The following KCNQ5 variants were observed in gnomAD, a reference collection of about 807,000 sequenced individuals.
KCNQ5 encodes potassium voltage-gated channel subfamily Q member 5, also known as potassium voltage-gated channel subfamily KQT member 5.
KCNQ5 carries 30 observed loss-of-function variants against 98.2 expected under a neutral mutation model. That is an observed-to-expected ratio of 0.31 (90% confidence interval 0.23 to 0.41). The LOEUF (loss-of-function observed/expected upper bound fraction) is 0.41. Among genes scored for constraint, KCNQ5 ranks in the 10% least tolerant of loss-of-function variants. The probability of loss-of-function intolerance (pLI) is 1.00; values close to 1 mark genes in which losing one functional copy is unlikely to be tolerated. For missense variants in KCNQ5, 835 were observed against 1,182.5 expected, an observed-to-expected ratio of 0.71 and a Z score of 4.31; for synonymous variants, 458 against 449.4, an observed-to-expected ratio of 1.02 and a Z score of -0.24.
At chr6:72,714,781 T>C (rs532356139) in intron 1 of KCNQ5, among the ~76,000 whole-genome samples, 7 of 152,126 alleles carry the variant, frequency 4.6e-5, no homozygotes, top group Admixed American at 3.3e-4. Flanking sequence ...AGTTCAAAAA[T>C]AGCAAAAACT....
At chr6:72,906,740 T>C (rs1779714718) in intron 1 of KCNQ5, among the ~76,000 whole-genome samples, 1 of 152,076 alleles carries the variant, frequency 6.6e-6, no homozygotes, top group Non-Finnish European at 1.5e-5. Flanking sequence ...GCACACACGG[T>C]ATTTGGGGTG....
rs1359088686 is a variant in KCNQ5 at position 73,113,887 on chromosome 6, G to A, written c.1125+2484G>A. On this transcript the variant is annotated intron_variant, in intron 7 of 13. Transcript: ENST00000370398. ...AGTAATTGAACTTGTACAAATGCAG[G>A]TAACAATGAAGTAAAATCGTGAGTT... Among the ~76,000 whole-genome samples, 3 of 152,266 alleles carry A rather than the reference G, an allele frequency of 2.0e-5. No individual in the cohort carries two copies. In the East Asian group the frequency reaches 5.8e-4, roughly 29 times the overall value.
At chr6:72,862,484 T>C (rs1280458418) in intron 1 of KCNQ5, among the ~76,000 whole-genome samples, 1 of 152,142 alleles carries the variant, frequency 6.6e-6, no homozygotes, top group African/African-American at 2.4e-5. Flanking sequence ...AATCCCTCAG[T>C]AAGTTGCTTT....
At chr6:72,939,606 A>G (rs551565328) in intron 1 of KCNQ5, among the ~76,000 whole-genome samples, 39 of 152,234 alleles carry the variant, frequency 2.6e-4, no homozygotes, top group African/African-American at 9.4e-4. Flanking sequence ...AGCCTATTCC[A>G]TACACCTCAG....
rs1178177668 is a variant in KCNQ5, at chr6:73,196,354, G to A, written c.*940G>A. 1 of 152,108 alleles carries A rather than the reference G, an allele frequency of 6.6e-6. No individual in the cohort carries two copies. Among genetic ancestry groups the A allele is most frequent in the African/African-American group, 2.4e-5 (1 of 41,398 alleles). 9.4% of individuals were successfully genotyped at this position (152,108 alleles called of 1,614,324 possible). ...CTATGGGGGATGGGACATTTGAGTG[G>A]GACTGAGATAGGAAAGGCTTGAAAA... On this transcript the variant is annotated 3_prime_UTR_variant, in exon 14 of 14. Coordinates refer to ENST00000370398, the MANE Select transcript of KCNQ5 (RefSeq NM_019842.4).
chr6:72,985,576 C>G (rs1051883288), intron 1 of KCNQ5, among the ~76,000 whole-genome samples: 4 of 152,110 alleles, frequency 2.6e-5, no homozygotes, highest in Admixed American at 2.6e-4. Flanking sequence ...CCTGATTTTC[C>G]ACCACAGAAT....
chr6:72,959,962 T>G (rs1415670403), intron 1 of KCNQ5, among the ~76,000 whole-genome samples: 2 of 152,214 alleles, frequency 1.3e-5, no homozygotes, highest in Non-Finnish European at 2.9e-5. Flanking sequence ...GATTTTATGC[T>G]GCTAAGGATT....
At chr6:72,924,974 G>C (rs973799358) in intron 1 of KCNQ5, among the ~76,000 whole-genome samples, 2 of 151,996 alleles carry the variant, frequency 1.3e-5, no homozygotes, top group Non-Finnish European at 2.9e-5. Context: ...TCATTTTAGG[G>C]CATGGTTTTC....
At chr6:72,740,466 G>A (rs1050659721) in intron 1 of KCNQ5, among the ~76,000 whole-genome samples, 1 of 152,240 alleles carries the variant, frequency 6.6e-6, no homozygotes, top group African/African-American at 2.4e-5. Context: ...GTTACATTTG[G>A]AGACTGAAGC....
intron 1 of KCNQ5, among the ~76,000 whole-genome samples, chr6:72,952,998 A>G (rs1315795009): frequency 1.3e-5 from 2 of 152,192 alleles, no homozygotes; most frequent in Non-Finnish European, 2.9e-5. Context: ...GTGCTCTTGA[A>G]TGCAATAAAT....
intron 1 of KCNQ5, among the ~76,000 whole-genome samples, chr6:72,833,296 G>T (rs1042604314): frequency 6.6e-6 from 1 of 152,120 alleles, no homozygotes; most frequent in African/African-American, 2.4e-5. Flanking sequence ...ATCTCATAGG[G>T]TTATTCGGGA....
chr6:73,125,471 T>C (rs749640552), intron 9 of KCNQ5: 1 of 517,804 alleles, frequency 1.9e-6, no homozygotes, highest in East Asian at 5.4e-5. Context: ...TTTTTTCCTA[T>C]CATTGTCACT....
chr6:72,669,574 C>T (rs973060647), intron 1 of KCNQ5, among the ~76,000 whole-genome samples: 1 of 152,180 alleles, frequency 6.6e-6, no homozygotes, highest in Admixed American at 6.5e-5. Flanking sequence ...TCCCCTTGGG[C>T]CTGTGGTGGG....
At chr6:73,042,771 A>G (rs1019284855) in intron 3 of KCNQ5, among the ~76,000 whole-genome samples, 1 of 152,188 alleles carries the variant, frequency 6.6e-6, no homozygotes, top group Admixed American at 6.5e-5. Flanking sequence ...CCTAATGAAG[A>G]TGCCATAGAG....
chr6:73,160,170 C>G (rs568964339), intron 10 of KCNQ5, among the ~76,000 whole-genome samples: 1 of 150,236 alleles, frequency 6.7e-6, no homozygotes, highest in South Asian at 2.1e-4. Flanking sequence ...CCCACCACGA[C>G]GCCCGGCTGT....
chr6:72,771,547 G>A lies in KCNQ5; in HGVS notation c.398+148960G>A, dbSNP rs573585313. 1.3e-3 allele frequency among the ~76,000 whole-genome samples: 205 copies of A among 152,064 alleles called. 1 individual carries two copies. The highest frequency in any genetic ancestry group is 4.7e-3 in the African/African-American group (193 of 41,468). On this transcript the variant is annotated intron_variant, in intron 1 of 13. Transcript: ENST00000370398. Reference sequence around the variant, plus strand: ...TTGCATTTCCCTGCTGATTAGTGATGTAGAGCACCTTTTCATATTTAGGTG... The same window carrying A: ...TTGCATTTCCCTGCTGATTAGTGATATAGAGCACCTTTTCATATTTAGGTG...
chr6:72,762,932 A>G (rs1188962947), intron 1 of KCNQ5, among the ~76,000 whole-genome samples: 1 of 152,032 alleles, frequency 6.6e-6, no homozygotes, highest in Non-Finnish European at 1.5e-5. Context: ...ATTGGGCAGC[A>G]CTGAGCCATT....
chr6:73,118,270 T>TA (rs765877182), intron 7 of KCNQ5, among the ~76,000 whole-genome samples: 1 of 152,236 alleles, frequency 6.6e-6, no homozygotes, highest in Non-Finnish European at 1.5e-5. Flanking sequence ...TATGGAAATG[T>TA]ACTCCTTGGT....
chr6:72,947,266 C>T (rs936377057), intron 1 of KCNQ5, among the ~76,000 whole-genome samples: 2 of 152,164 alleles, frequency 1.3e-5, no homozygotes, highest in African/African-American at 2.4e-5. Context: ...CATTGTTTCA[C>T]ACTACAAATT....
Sources: gnomAD v4.1 joint callset for allele counts (sites outside exome capture counted in the v4.1 genomes callset) on GRCh38, gnomAD v4.1.1 for gene constraint, MANE v1.5 for transcripts, NCBI Gene and HGNC (gene_info 2026-07-23, HGNC 2026-07-21) for gene names.